LUZP2: variants seen among roughly 807,000 people sequenced by gnomAD.
LUZP2 encodes leucine zipper protein 2.
LUZP2 carries 52 observed loss-of-function variants against 51.6 expected under a neutral mutation model. The observed-to-expected ratio is 1.01, with a 90% CI of 0.81 to 1.27. The LOEUF (loss-of-function observed/expected upper bound fraction) is 1.27. Among genes scored for constraint, LUZP2 ranks in the 50% most tolerant of loss-of-function variants. LUZP2 has a pLI of 0.00. For synonymous variants in LUZP2, 154 were observed against 137.3 expected, an observed-to-expected ratio of 1.12 and a Z score of -0.85; for missense variants, 436 against 395.4, an observed-to-expected ratio of 1.10 and a Z score of -0.87.
At chr11:24,658,779 TC>T (rs1855909026) in intron 1 of LUZP2, among the ~76,000 whole-genome samples, 1 of 152,158 alleles carries the variant, frequency 6.6e-6, no homozygotes, top group South Asian at 2.1e-4. Flanking sequence ...CAGACACTTC[TC>T]AAAAAAAGAC....
rs546160666 is a variant in LUZP2, at chr11:24,814,909, A to G, written c.396+51601A>G. Among the ~76,000 whole-genome samples the G allele has an allele frequency of 6.6e-5, 10 of 151,582 alleles. No homozygotes were observed. The East Asian group carries it at 1.8e-3, about 27-fold the overall frequency. ...CGGGAGGCTGAGGCAGGAGAATGAC[A>G]TGAACCCGGGAGGTGGAGCTTGCAG... On this transcript the variant is annotated intron_variant, in intron 5 of 11. Transcript: ENST00000336930.
chr11:24,663,540 G>T (rs987866563), intron 1 of LUZP2, among the ~76,000 whole-genome samples: 3 of 152,092 alleles, frequency 2.0e-5, no homozygotes, highest in Admixed American at 1.3e-4. Flanking sequence ...TTCTTCTCAA[G>T]ATTATATTTT....
intron 5 of LUZP2, among the ~76,000 whole-genome samples, chr11:24,803,945 T>C (rs1849773008): frequency 6.8e-6 from 1 of 146,512 alleles, no homozygotes; most frequent in Non-Finnish European, 1.5e-5. Flanking sequence ...ACATAGGAGA[T>C]TAGAATAAAG....
At chr11:24,940,299 C>T (rs1854707027) in intron 7 of LUZP2, among the ~76,000 whole-genome samples, 1 of 151,980 alleles carries the variant, frequency 6.6e-6, no homozygotes, top group South Asian at 2.1e-4. Context: ...AGTAGACTCA[C>T]ATATTCAGGG....
At chr11:24,932,520 T>C (rs1036975589) in intron 7 of LUZP2, among the ~76,000 whole-genome samples, 1 of 152,056 alleles carries the variant, frequency 6.6e-6, no homozygotes, top group Non-Finnish European at 1.5e-5. Flanking sequence ...GCCAATTGAA[T>C]TATGTTCCCA....
At chr11:24,788,475 A>G (rs1167901859) in intron 5 of LUZP2, among the ~76,000 whole-genome samples, 1 of 152,050 alleles carries the variant, frequency 6.6e-6, no homozygotes, top group Non-Finnish European at 1.5e-5. Context: ...GGCGTAAGCC[A>G]CTGTGCCCAG....
rs551219639 is a variant in LUZP2, at chr11:24,580,374, A to G, written c.62+83069A>G. 3.3e-5 allele frequency among the ~76,000 whole-genome samples: 5 copies of G among 152,212 alleles called. No homozygotes were observed. In the East Asian group the frequency reaches 7.7e-4, roughly 24 times the overall value. On this transcript the variant is annotated intron_variant, in intron 1 of 11. Transcript: ENST00000336930. ...GTATCAGTTGCCTACAATACTGAAA[A>G]GGTTCCTTTTCCTTCTCTGTTGCTG...
intron 9 of LUZP2, among the ~76,000 whole-genome samples, chr11:24,989,044 G>A (rs1565196077): frequency 6.6e-6 from 1 of 151,506 alleles, no homozygotes; most frequent in African/African-American, 2.4e-5. Context: ...GATCATTCTG[G>A]AGCAGTGAGG....
At chr11:24,551,192 A>G (rs1851714848) in intron 1 of LUZP2, among the ~76,000 whole-genome samples, 1 of 152,242 alleles carries the variant, frequency 6.6e-6, no homozygotes, top group Admixed American at 6.6e-5. Context: ...AGTCATAAAA[A>G]TGTGAAATTT....
chr11:25,030,249 A>G (rs1034714285), intron 9 of LUZP2, among the ~76,000 whole-genome samples: 1 of 152,160 alleles, frequency 6.6e-6, no homozygotes, highest in Admixed American at 6.6e-5. Context: ...ATTTATTTCA[A>G]GGATATCTTT....
chr11:24,513,604 A>G (rs867822566), intron 1 of LUZP2, among the ~76,000 whole-genome samples: 1 of 152,158 alleles, frequency 6.6e-6, no homozygotes, highest in Non-Finnish European at 1.5e-5. Flanking sequence ...TACGTGACTC[A>G]TATGGTTTTT....
At chr11:25,016,595 T>C (rs1006068428) in intron 9 of LUZP2, among the ~76,000 whole-genome samples, 3 of 150,728 alleles carry the variant, frequency 2.0e-5, no homozygotes, top group Admixed American at 6.7e-5. Context: ...GCAGTATGTG[T>C]ATATATATAC....
chr11:25,054,851 T>C (rs1201132947), intron 10 of LUZP2, among the ~76,000 whole-genome samples: 1 of 152,098 alleles, frequency 6.6e-6, no homozygotes. Flanking sequence ...TTTAAAGTAC[T>C]GTGACTTTGT....
At chr11:24,889,477 T>A (rs1400388254) in intron 5 of LUZP2, among the ~76,000 whole-genome samples, 1 of 152,204 alleles carries the variant, frequency 6.6e-6, no homozygotes, top group Non-Finnish European at 1.5e-5. Context: ...GCCTAAGTAA[T>A]GTCAAATGAT....
At chr11:24,751,604 A>G (rs1163775083) in intron 4 of LUZP2, 12 of 982,062 alleles carry the variant, frequency 1.2e-5, no homozygotes, top group African/African-American at 5.3e-5. Context: ...AGAGCATTCT[A>G]TGCTTTCAAA....
intron 5 of LUZP2, among the ~76,000 whole-genome samples, chr11:24,769,886 G>A (rs577920489): frequency 0.011 from 1,725 of 151,792 alleles, 19 homozygotes; most frequent in Non-Finnish European, 0.018. Flanking sequence ...TCCGCCTCCC[G>A]GGTTCAAGCA....
At chr11:24,572,217 AT>A (rs562103663) in intron 1 of LUZP2, among the ~76,000 whole-genome samples, 2 of 152,086 alleles carry the variant, frequency 1.3e-5, no homozygotes, top group South Asian at 2.1e-4. Flanking sequence ...AATAAACTGA[AT>A]TATTTCAGTT....
At chr11:25,053,326 TG>T (rs1858580548) in intron 10 of LUZP2, among the ~76,000 whole-genome samples, 1 of 152,130 alleles carries the variant, frequency 6.6e-6, no homozygotes, top group African/African-American at 2.4e-5. Flanking sequence ...CAGAAGAGAT[TG>T]GTACTCTGTT....
At chr11:24,764,490 T>TAAAAAAAAAAAAAA (rs869045272) in intron 5 of LUZP2, among the ~76,000 whole-genome samples, 5 of 94,058 alleles carry the variant, frequency 5.3e-5, no homozygotes, top group Admixed American at 1.3e-4. Flanking sequence ...ATCTCATCTC[T>TAAAAAAAAAAAAAA]AAAAAAAAAA....
Sources: allele counts gnomAD v4.1 joint callset (sites outside exome capture counted in the v4.1 genomes callset), GRCh38; gene constraint gnomAD v4.1.1; transcripts MANE v1.5; gene names NCBI Gene and HGNC (gene_info 2026-07-23, HGNC 2026-07-21).